The following TOR1AIP1 variants were observed in gnomAD, a reference collection of about 807,000 sequenced individuals.
TOR1AIP1 encodes torsin 1A interacting protein 1.
In TOR1AIP1, 54 loss-of-function variants were observed where a neutral mutation model predicts 63.3. The ratio of observed to expected loss-of-function variants is 0.85; its 90% CI spans 0.69 to 1.07. TOR1AIP1 has a LOEUF of 1.07. TOR1AIP1 is among the 50% of genes least tolerant of loss of function. The pLI is 0.00. For synonymous variants in TOR1AIP1, 294 were observed against 273.5 expected (o/e 1.07, Z -0.74); for missense variants, 736 against 715.0 (o/e 1.03, Z -0.33).
chr1:179,915,976 C>T (rs1419372532), intron 9 of TOR1AIP1, among the ~76,000 whole-genome samples: 1 of 152,154 alleles, frequency 6.6e-6, no homozygotes, highest in Non-Finnish European at 1.5e-5. Flanking sequence ...AATTCTTTTC[C>T]TTGAGACAAC....
chr1:179,915,410 G>C (rs74978981), intron 9 of TOR1AIP1, among the ~76,000 whole-genome samples: 7,907 of 152,278 alleles, frequency 0.052, 312 homozygotes, highest in Non-Finnish European at 0.068. Context: ...CATTAGGAAT[G>C]TAATAAAAAA....
chr1:179,914,054 C>CG lies in TOR1AIP1; in HGVS notation c.964+1dup. ...CCAGTCACCATCAACCTCCAGCCGA[C>CG]GTAAGTTTATGTATTCAGTTTTTAT... On this transcript the variant is annotated frameshift_variant and splice_region_variant. Transcript: ENST00000606911. LOFTEE classifies it high-confidence loss of function. The CG allele has an allele frequency of 6.2e-7, 1 of 1,613,192 alleles. No individual in the cohort carries two copies. The highest frequency in any genetic ancestry group is 1.1e-5 in the South Asian group (1 of 90,988).
chr1:179,910,694 A>G (rs1012300754), intron 8 of TOR1AIP1, among the ~76,000 whole-genome samples: 2 of 152,224 alleles, frequency 1.3e-5, no homozygotes, highest in Non-Finnish European at 2.9e-5. Context: ...TGAAGACCCA[A>G]GAGATACTCT....
chr1:179,884,583 G>T (rs1647857680), intron 1 of TOR1AIP1, 109 bp from the exon 2 acceptor site: 1 of 883,292 alleles, frequency 1.1e-6, no homozygotes, highest in Admixed American at 3.3e-5. Context: ...CTAAAGAAAC[G>T]AATTTCTTGA....
intron 6 of TOR1AIP1, among the ~76,000 whole-genome samples, chr1:179,906,282 A>G (rs1022625279): frequency 7.2e-5 from 11 of 152,200 alleles, no homozygotes; most frequent in Non-Finnish European, 1.6e-4. Flanking sequence ...TCTATGTTCA[A>G]TGTTTTGCAC....
At chr1:179,884,620 A>T in intron 1 of TOR1AIP1, 72 bp from the exon 2 acceptor site, 2 of 1,293,524 alleles carry the variant, frequency 1.5e-6, no homozygotes, top group Non-Finnish European at 2.2e-6. Context: ...TGTTACAAAA[A>T]TGCATAATCT....
chr1:179,882,854 G>A lies in TOR1AIP1; in HGVS notation c.352G>A (p.Glu118Lys). 1.9e-6 allele frequency: 3 copies of A among 1,614,212 alleles called. No individual in the cohort carries two copies. The highest frequency in any genetic ancestry group is 1.1e-5 in the South Asian group (1 of 91,082). Residue 118 changes from glutamate to lysine, a missense_variant, in exon 1 of 10, where the codon GAA (glutamate) becomes AAA (lysine). By Grantham distance (56) the Glu-to-Lys change is moderately conservative. Around this residue, in one of 2 missense-constraint regions of TOR1AIP1, gnomAD observed 464 missense variants for 371.0 expected, o/e 1.25. Coordinates refer to ENST00000606911, the MANE Select transcript of TOR1AIP1 (RefSeq NM_015602.4). ...SRQRRQPRPQ[E>K]TEEMKTRRTT... is the part of the protein sequence containing the mutation. ...GCAGCGGAGGCAGCCGCGACCCCAG[G>A]AAACCGAGGAAATGAAGACGCGAAG...
rs746231118 is a variant in TOR1AIP1 at position 179,889,304 on chromosome 1, T to C, written c.554-9T>C. The C allele has an allele frequency of 1.4e-5, 23 of 1,588,488 alleles. No homozygotes were observed. Among genetic ancestry groups the C allele is most frequent in the Non-Finnish European group, 1.9e-5 (22 of 1,159,340 alleles). On this transcript the variant is annotated splice_polypyrimidine_tract_variant and intron_variant, in intron 2 of 9. Transcript: ENST00000606911. ...TATTTTTAAATGTTTTCTCTTCCTA[T>C]ATTAGCAGTGAGTGAAGATCTTGTA...
rs968456501 is a variant in TOR1AIP1 at position 179,882,392 on chromosome 1, G to A, written c.-111G>A. 8.5e-7 allele frequency: 1 copy of A among 1,172,588 alleles called. No homozygotes were observed. The highest frequency in any genetic ancestry group is 1.1e-6 in the Non-Finnish European group (1 of 890,098). The allele number at this position is 1,172,588 out of a possible 1,614,324, so 72.6% of individuals were successfully genotyped here. A position where few individuals can be genotyped will look rare whatever the true frequency, so the allele number is the denominator to read the frequency against. ...CCCAGCGACTCGCAACTGCCTCCCT[G>A]ACCACAGCGGCCACCGCCCAACACC... On this transcript the variant is annotated 5_prime_UTR_variant, in exon 1 of 10. An upstream open reading frame in the 5' UTR loses its in-frame stop. Transcript: ENST00000606911.
At chr1:179,916,707 T>TTC (rs1648999002) in intron 9 of TOR1AIP1, among the ~76,000 whole-genome samples, 1 of 139,366 alleles carries the variant, frequency 7.2e-6, no homozygotes, top group Admixed American at 7.2e-5. Context: ...TTTCTTTTTT[T>TTC]TTTTTTTTTT....
chr1:179,890,903 C>T (rs957734617), intron 3 of TOR1AIP1, among the ~76,000 whole-genome samples: 27 of 151,776 alleles, frequency 1.8e-4, no homozygotes, highest in Non-Finnish European at 3.5e-4. Context: ...TATTGGCATG[C>T]ACAACTGCGC....
intron 6 of TOR1AIP1, among the ~76,000 whole-genome samples, chr1:179,907,552 T>C (rs1264180763): frequency 7.7e-6 from 1 of 130,638 alleles, no homozygotes. Flanking sequence ...CCTAAACATT[T>C]TGAAGTTTAG....
intron 1 of TOR1AIP1, 44 bp from the exon 2 acceptor site, chr1:179,884,648 G>A (rs758279002): frequency 8.1e-6 from 12 of 1,482,332 alleles, no homozygotes; most frequent in African/African-American, 4.2e-5. Context: ...GATCTCCCAG[G>A]TCATATATTC....
chr1:179,895,319 G>A (rs988133799), intron 3 of TOR1AIP1, among the ~76,000 whole-genome samples: 15 of 152,074 alleles, frequency 9.9e-5, no homozygotes, highest in African/African-American at 3.6e-4. Flanking sequence ...TTTTAAAAAA[G>A]TATTTTTTTA....
rs1037543478 is a variant in TOR1AIP1, at chr1:179,882,681, C to T, written c.179C>T (p.Ser60Leu). The change falls in exon 1 of 10, where the codon TCG (serine) becomes TTG (leucine). Residue 60 changes from serine (S) to leucine (L), a missense_variant. Coordinates refer to ENST00000606911, the MANE Select transcript of TOR1AIP1 (RefSeq NM_015602.4). ...CAGGGCCGGCGGGAAGTGAGGTTCT[C>T]GGACGAGCCGCCAGAAGTGTACGGC... The part of the protein sequence containing the change: ...SRQGRREVRF[S>L]DEPPEVYGDF... The T allele has an allele frequency of 6.2e-7, 1 of 1,602,942 alleles. No homozygotes were observed. The highest frequency in any genetic ancestry group is 8.5e-7 in the Non-Finnish European group (1 of 1,173,858).
At chr1:179,899,212 A>G (rs1648372913) in intron 3 of TOR1AIP1, among the ~76,000 whole-genome samples, 4 of 152,028 alleles carry the variant, frequency 2.6e-5, no homozygotes, top group Admixed American at 2.6e-4. Context: ...TCCTTCAGCG[A>G]TATTTTAACC....
chr1:179,882,943 C>T lies in TOR1AIP1; in HGVS notation c.441C>T (p.Thr147=), dbSNP rs1420828096. Residue 147 remains threonine, a synonymous_variant, in exon 1 of 10, where the codon ACC becomes ACT. Transcript: ENST00000606911. Reference sequence around the variant, plus strand: ...CGCTACAGCCGTCTCCTGTTATGACCAGGAGAGGGCTGCGGGACTCTCATT... The same window carrying T: ...CGCTACAGCCGTCTCCTGTTATGACTAGGAGAGGGCTGCGGGACTCTCATT... ...QPPLQPSPVM[T]RRGLRDSHSS... The T allele has an allele frequency of 6.2e-7, 1 of 1,613,682 alleles. No homozygotes were observed. The highest frequency in any genetic ancestry group is 1.1e-5 in the South Asian group (1 of 91,060).
chr1:179,917,183 CAT>C (rs1006444577), intron 9 of TOR1AIP1, among the ~76,000 whole-genome samples: 8 of 152,264 alleles, frequency 5.3e-5, no homozygotes, highest in Non-Finnish European at 8.8e-5. Flanking sequence ...TATGCCATTT[CAT>C]ATGTTTAAAA....
chr1:179,906,827 T>A (rs552725237), intron 6 of TOR1AIP1, among the ~76,000 whole-genome samples: 1 of 136,556 alleles, frequency 7.3e-6, no homozygotes, highest in African/African-American at 2.7e-5. Flanking sequence ...AAGCTCCGCC[T>A]CCCAGGTTCA....
Sources: gnomAD v4.1 joint callset for allele counts (sites outside exome capture counted in the v4.1 genomes callset) on GRCh38, gnomAD v4.1.1 for gene constraint, gnomAD v4.1.1 regional missense constraint, MANE v1.5 for transcripts, NCBI Gene and HGNC (gene_info 2026-07-23, HGNC 2026-07-21) for gene names.